The following GLP1R variants were observed in gnomAD, a reference collection of about 807,000 sequenced individuals.
GLP1R encodes the protein glucagon-like peptide 1 receptor.
A neutral mutation model predicts 68.4 loss-of-function variants in GLP1R; 32 were observed. The observed-to-expected ratio is 0.47, with a 90% CI of 0.35 to 0.63. The LOEUF (loss-of-function observed/expected upper bound fraction) is 0.63, where lower values mean the gene tolerates loss of function less well. Ranked by LOEUF, GLP1R falls within the 20% of genes least tolerant of loss-of-function variation. The probability of loss-of-function intolerance (pLI) is 0.00; values close to 1 mark genes in which losing one functional copy is unlikely to be tolerated. For synonymous variants in GLP1R, 263 were observed against 244.4 expected (o/e 1.08, Z -0.71); for missense variants, 502 against 594.9 (o/e 0.84, Z 1.62).
rs985822364 is a variant in GLP1R, at chr6:39,090,073, C to T, written c.*4000C>T. Among the ~76,000 whole-genome samples the T allele has an allele frequency of 5.9e-5, 9 of 152,172 alleles. No individual in the cohort carries two copies. Among genetic ancestry groups the T allele is most frequent in the South Asian group, 4.1e-4 (2 of 4,832 alleles). On this transcript the variant is annotated 3_prime_UTR_variant, in exon 13 of 13. Coordinates refer to ENST00000373256, the MANE Select transcript of GLP1R (RefSeq NM_002062.5). Reference sequence around the variant, plus strand: ...AATGAGTTCCCCTGGGAAAGAAAATCGCCCAAGTGAGAAACTTATGCCAAC... The same window carrying T: ...AATGAGTTCCCCTGGGAAAGAAAATTGCCCAAGTGAGAAACTTATGCCAAC...
rs758257648 is a variant in GLP1R, at chr6:39,079,082, C to T, written c.955-30C>T. The T allele has an allele frequency of 3.7e-6, 6 of 1,607,964 alleles. No individual in the cohort carries two copies. In the South Asian group the frequency reaches 6.6e-5, roughly 18 times the overall value. On this transcript the variant is annotated intron_variant, in intron 9 of 12. Transcript: ENST00000373256. The surrounding 1 kb of genome is among the most constrained non-coding windows in gnomAD (Gnocchi z 4.5). Reference sequence around the variant, plus strand: ...AGCTATGATAGGGCTGGGCTGGTGCCCCCTGCCAATCCCCGGCCCCACCCC... The same window carrying T: ...AGCTATGATAGGGCTGGGCTGGTGCTCCCTGCCAATCCCCGGCCCCACCCC...
In GLP1R at chr6:39,057,411, G is replaced by A. The variant is rs1768240082; in HGVS notation, c.176-61G>A. The A allele has an allele frequency of 4.7e-6, 5 of 1,066,898 alleles. No individual in the cohort carries two copies. The Admixed American group carries it at 8.9e-5, about 19-fold the overall frequency. 66.1% of individuals were successfully genotyped at this position (1,066,898 alleles called of 1,614,324 possible). A position where few individuals can be genotyped will look rare whatever the true frequency, so the allele number is the denominator to read the frequency against. On this transcript the variant is annotated intron_variant, in intron 2 of 12. Transcript: ENST00000373256. ...AGGAGGGGAGGGGTCTTGGGGAAGGGAGGGAAAGGGCCATGGCCAGTCACA... is the reference window on the plus strand; with the variant it reads ...AGGAGGGGAGGGGTCTTGGGGAAGGAAGGGAAAGGGCCATGGCCAGTCACA...
chr6:39,073,072 C>T (rs1768718895), intron 6 of GLP1R, 57 bp downstream of exon 6: 3 of 1,492,272 alleles, frequency 2.0e-6, no homozygotes, highest in East Asian at 2.3e-5. Flanking sequence ...GGAGGCCTGC[C>T]TCTGCCACCC....
At chr6:39,067,285 T>C (rs1768542689) in intron 5 of GLP1R, among the ~76,000 whole-genome samples, 1 of 152,244 alleles carries the variant, frequency 6.6e-6, no homozygotes, top group African/African-American at 2.4e-5. Context: ...AACATATTTG[T>C]CTTAGTCTTT....
intron 3 of GLP1R, among the ~76,000 whole-genome samples, chr6:39,063,959 A>C (rs1021787573): frequency 9.0e-5 from 11 of 122,340 alleles, no homozygotes; most frequent in African/African-American, 2.9e-4. Flanking sequence ...ACACACACAC[A>C]CACCCCACAT....
At position 39,056,460 on chromosome 6, in the gene GLP1R, C is replaced by T. The variant is rs770196509; in HGVS notation, c.142C>T (p.Arg48Cys). 4.4e-6 allele frequency: 7 copies of T among 1,606,770 alleles called. No individual in the cohort carries two copies. Among genetic ancestry groups the T allele is most frequent in the African/African-American group, 2.7e-5 (2 of 74,794 alleles). The change falls in exon 2 of 13, where the codon CGC (arginine) becomes TGC (cysteine). Residue 48 changes from arginine (R) to cysteine (C), a missense_variant. Arg to Cys is a radical substitution (Grantham distance 180). Coordinates refer to ENST00000373256, the MANE Select transcript of GLP1R (RefSeq NM_002062.5). ...GCGAGAATACCGACGCCAGTGCCAG[C>T]GCTCCCTGACTGAGGATCCACCTCC... is the stretch of plus-strand genomic sequence containing the variant. The part of the protein sequence containing the change: ...KWREYRRQCQ[R>C]SLTEDPPPAT...
At chr6:39,063,247 G>A (rs1562007519) in intron 3 of GLP1R, among the ~76,000 whole-genome samples, 2 of 152,118 alleles carry the variant, frequency 1.3e-5, no homozygotes, top group African/African-American at 2.4e-5. Flanking sequence ...CACTGCTTTT[G>A]GGGGTATCTA....
rs1554173039 is a variant in GLP1R at position 39,086,204 on chromosome 6, C to CAT, written c.*133_*134dup. On this transcript the variant is annotated 3_prime_UTR_variant, in exon 13 of 13. Transcript: ENST00000373256. The surrounding 1 kb of genome is among the most constrained non-coding windows in gnomAD (Gnocchi z 4.5). ...ACACACACACACACACACACACACACATACATCCTGCTTTCCCTCCCCAAA... is the reference window on the plus strand; with the variant it reads ...ACACACACACACACACACACACACACATATACATCCTGCTTTCCCTCCCCAAA... 6.1e-6 allele frequency: 3 copies of CAT among 489,758 alleles called. No homozygotes were observed. Among genetic ancestry groups the CAT allele is most frequent in the Admixed American group, 4.4e-5 (1 of 22,938 alleles). 30.3% of individuals were successfully genotyped at this position (489,758 alleles called of 1,614,324 possible).
intron 2 of GLP1R, 60 bp downstream of exon 2, chr6:39,056,553 T>G (rs113225507): frequency 2.3e-6 from 2 of 860,374 alleles, no homozygotes; most frequent in Admixed American, 1.8e-5. Context: ...TCTGGAGGAC[T>G]TTGATGAACT....
Position 39,089,636 on chromosome 6 carries a change from G to T in GLP1R, c.*3563G>T, listed in dbSNP as rs1323511355. On this transcript the variant is annotated 3_prime_UTR_variant, in exon 13 of 13. Transcript: ENST00000373256. The surrounding 1 kb of genome is among the most constrained non-coding windows in gnomAD (Gnocchi z 4.1). ...TGGGCGTGTGTGTGTGTATGTGTGT[G>T]CATGTGTGTGTGCATGTTTCTTCTG... 6.6e-6 allele frequency among the ~76,000 whole-genome samples: 1 copy of T among 152,142 alleles called. No individual in the cohort carries two copies. Among genetic ancestry groups the T allele is most frequent in the Non-Finnish European group, 1.5e-5 (1 of 68,020 alleles).
intron 3 of GLP1R, among the ~76,000 whole-genome samples, chr6:39,059,128 C>T (rs1768290234): frequency 6.6e-6 from 1 of 152,240 alleles, no homozygotes; most frequent in African/African-American, 2.4e-5. Context: ...AGAGCCTGGG[C>T]CTAGAAGGAG....
At chr6:39,082,907 C>G (rs1769043623) in intron 12 of GLP1R, among the ~76,000 whole-genome samples, 1 of 152,102 alleles carries the variant, frequency 6.6e-6, no homozygotes, top group South Asian at 2.1e-4. Context: ...TGCAGCCCTA[C>G]TAGCAGACAC....
intron 3 of GLP1R, among the ~76,000 whole-genome samples, chr6:39,059,284 C>CA (rs1768297625): frequency 1.3e-5 from 2 of 152,248 alleles, no homozygotes; most frequent in African/African-American, 4.8e-5. Context: ...AACTAAGGCA[C>CA]AGAGGTGCTC....
intron 3 of GLP1R, among the ~76,000 whole-genome samples, chr6:39,063,919 G>A (rs1010590959): frequency 1.0e-5 from 1 of 100,408 alleles, no homozygotes; most frequent in Non-Finnish European, 2.0e-5. Context: ...CACACACACA[G>A]ACACATAACA....
At chr6:39,051,838 T>G (rs764182813) in intron 1 of GLP1R, among the ~76,000 whole-genome samples, 7 of 150,350 alleles carry the variant, frequency 4.7e-5, no homozygotes, top group African/African-American at 7.4e-5. Context: ...ACAGTGTCTA[T>G]GTTTTTGTGA....
intron 3 of GLP1R, among the ~76,000 whole-genome samples, chr6:39,058,378 C>T (rs1331920985): frequency 1.3e-5 from 2 of 152,160 alleles, no homozygotes; most frequent in African/African-American, 2.4e-5. Context: ...CAGCCCTCCT[C>T]AGCTCACTCC....
rs1562003339 is a variant in GLP1R at position 39,055,732 on chromosome 6, GGT to G, written c.79-663_79-662del. 1.6e-3 allele frequency among the ~76,000 whole-genome samples: 240 copies of G among 152,172 alleles called. 1 individual carries two copies. Among genetic ancestry groups the G allele is most frequent in the African/African-American group, 5.7e-3 (235 of 41,494 alleles). On this transcript the variant is annotated intron_variant, in intron 1 of 12. Coordinates refer to ENST00000373256, the MANE Select transcript of GLP1R (RefSeq NM_002062.5). ...AGGGGAGCACGGGGAGGGGGTGGGGGGTGCTGTGTTGAGTGCATCTGTAAGTG... is the reference window on the plus strand; with the variant it reads ...AGGGGAGCACGGGGAGGGGGTGGGGGGCTGTGTTGAGTGCATCTGTAAGTG...
At chr6:39,056,567 T>C (rs1196101535) in intron 2 of GLP1R, 74 bp downstream of exon 2, 6 of 772,456 alleles carry the variant, frequency 7.8e-6, no homozygotes, top group African/African-American at 1.7e-5. Context: ...ATGAACTCAA[T>C]GTCCATGGCT....
intron 3 of GLP1R, among the ~76,000 whole-genome samples, chr6:39,060,071 C>G (rs1768319428): frequency 6.6e-6 from 1 of 152,182 alleles, no homozygotes; most frequent in Admixed American, 6.5e-5. Context: ...TCTCCTCACT[C>G]CCTGAGTTAC....
Sources: gnomAD v4.1 joint callset for allele counts (sites outside exome capture counted in the v4.1 genomes callset) on GRCh38, gnomAD v4.1.1 for gene constraint, Gnocchi (gnomAD v3.1) non-coding constraint, MANE v1.5 for transcripts, NCBI Gene and HGNC (gene_info 2026-07-23, HGNC 2026-07-21) for gene names.